Variants in TDRD5 observed in about 807,000 individuals in gnomAD.
TDRD5 encodes tudor domain containing 5.
TDRD5 carries 41 observed loss-of-function variants against 120.6 expected under a neutral mutation model. That is an observed-to-expected ratio of 0.34 (90% CI 0.26 to 0.44). TDRD5 has a LOEUF of 0.44. Among genes scored for constraint, TDRD5 ranks in the 20% least tolerant of loss-of-function variants. The probability of loss-of-function intolerance (pLI) is 1.00; values close to 1 mark genes in which losing one functional copy is unlikely to be tolerated. For missense variants in TDRD5, 1,006 were observed against 1,221.2 expected (o/e 0.82, Z 2.63); for synonymous variants, 430 against 433.7 (o/e 0.99, Z 0.11).
At position 179,691,204 on chromosome 1, in the gene TDRD5, G is replaced by GA. The variant is rs1291452713; in HGVS notation, c.*263dup. ...CCTTTGTTTTTAATGTAGTTTAAAG[G>GA]AATTTGTTTTTTTGTGTTTGTTTTT... On this transcript the variant is annotated 3_prime_UTR_variant, in exon 18 of 18. Coordinates refer to ENST00000444136, the MANE Select transcript of TDRD5 (RefSeq NM_001199085.3). 1 of 322,810 alleles carries GA rather than the reference G, an allele frequency of 3.1e-6. No homozygotes were observed. Among genetic ancestry groups the GA allele is most frequent in the African/African-American group, 2.1e-5 (1 of 46,712 alleles). 20.0% of individuals were successfully genotyped at this position (322,810 alleles called of 1,614,324 possible).
At chr1:179,591,675 C>T (rs997982621), upstream of TDRD5, 3 of 152,412 alleles carry the variant, frequency 2.0e-5, no homozygotes, top group African/African-American at 7.2e-5. Flanking sequence ...GGCGGCCAGC[C>T]TCTGCAGCCG....
intron 11 of TDRD5, among the ~76,000 whole-genome samples, chr1:179,646,613 G>A (rs919876761): frequency 2.0e-5 from 3 of 149,464 alleles, no homozygotes; most frequent in Admixed American, 1.4e-4. Flanking sequence ...GGGCAATTAG[G>A]CAGGAGAAGG....
At chr1:179,619,851 C>G (rs1676755006) in intron 5 of TDRD5, among the ~76,000 whole-genome samples, 1 of 152,056 alleles carries the variant, frequency 6.6e-6, no homozygotes, top group African/African-American at 2.4e-5. Context: ...GAACTCCTGG[C>G]CTTAGGCATT....
intron 11 of TDRD5, among the ~76,000 whole-genome samples, chr1:179,647,525 C>G (rs1205596521): frequency 6.6e-6 from 1 of 151,428 alleles, no homozygotes; most frequent in Non-Finnish European, 1.5e-5. Flanking sequence ...CATTACCATT[C>G]AGGACATAGG....
Position 179,659,488 on chromosome 1 carries a change from AT to A in TDRD5, c.2323-2614del, listed in dbSNP as rs201732912. On this transcript the variant is annotated intron_variant, in intron 14 of 17. Transcript: ENST00000444136. ...TCATTATGAAATGTCTTTATTCACA[AT>A]TACTTTTTTTGCACTGAAGTGTACA... Among the ~76,000 whole-genome samples, 195 of 151,156 alleles carry A rather than the reference AT, an allele frequency of 1.3e-3. 6 individuals are homozygous for A. In the East Asian group the frequency reaches 0.035, roughly 27 times the overall value.
At chr1:179,655,873 T>C (rs1189658517) in intron 14 of TDRD5, among the ~76,000 whole-genome samples, 1 of 152,136 alleles carries the variant, frequency 6.6e-6, no homozygotes. Context: ...TGAAGGACAT[T>C]TGGGTTGTTT....
intron 11 of TDRD5, among the ~76,000 whole-genome samples, chr1:179,649,315 T>G (rs1678580647): frequency 6.6e-6 from 1 of 152,132 alleles, no homozygotes; most frequent in Admixed American, 6.5e-5. Context: ...CCCATATTTA[T>G]ATTTGTATTC....
chr1:179,609,591 T>C (rs557499405), intron 4 of TDRD5, among the ~76,000 whole-genome samples: 1 of 152,282 alleles, frequency 6.6e-6, no homozygotes, highest in East Asian at 1.9e-4. Context: ...CCACCCAGTC[T>C]ATGGTATTTT....
intron 17 of TDRD5, among the ~76,000 whole-genome samples, chr1:179,670,636 T>C (rs2147781917): frequency 6.6e-6 from 1 of 152,328 alleles, no homozygotes; most frequent in East Asian, 1.9e-4. Context: ...ATTGTAGTTT[T>C]AATTTGCATT....
intron 16 of TDRD5, among the ~76,000 whole-genome samples, chr1:179,664,297 TA>T (rs1679457554): frequency 6.6e-6 from 1 of 152,174 alleles, no homozygotes. Context: ...TCTTTTTTTT[TA>T]AATACAGCTT....
At chr1:179,677,105 C>T (rs1420848738) in intron 17 of TDRD5, among the ~76,000 whole-genome samples, 1 of 152,042 alleles carries the variant, frequency 6.6e-6, no homozygotes, top group Non-Finnish European at 1.5e-5. Flanking sequence ...TGTCTTTGAG[C>T]TCTGAAGTTC....
intron 14 of TDRD5, among the ~76,000 whole-genome samples, chr1:179,655,367 T>G (rs948799632): frequency 6.6e-6 from 1 of 152,248 alleles, no homozygotes; most frequent in African/African-American, 2.4e-5. Context: ...TAAATGCTCT[T>G]CACGGCTTGG....
In TDRD5 at chr1:179,621,026, ATTTG is replaced by A. The variant is rs779331913; in HGVS notation, c.916-6_916-3del. 1.1e-5 allele frequency: 18 copies of A among 1,591,752 alleles called. No homozygotes were observed. The East Asian group carries it at 1.6e-4, about 14-fold the overall frequency. On this transcript the variant is annotated splice_polypyrimidine_tract_variant and splice_region_variant and intron_variant, in intron 5 of 17. Transcript: ENST00000444136. Reference sequence around the variant, plus strand: ...GTGTCTATATTGTATTTCACTTTCTATTTGTTAGGTTGTATCTAAGTTCCCAGAG... The same window carrying A: ...GTGTCTATATTGTATTTCACTTTCTATTAGGTTGTATCTAAGTTCCCAGAG...
intron 14 of TDRD5, 145 bp from the exon 15 acceptor site, chr1:179,661,958 TG>T: frequency 3.0e-6 from 2 of 671,674 alleles, no homozygotes; most frequent in Non-Finnish European, 2.3e-6. Context: ...ATTATTTTGG[TG>T]GCATTTCAGA....
At chr1:179,624,285 G>C (rs1017202591) in intron 6 of TDRD5, among the ~76,000 whole-genome samples, 1 of 152,098 alleles carries the variant, frequency 6.6e-6, no homozygotes, top group Admixed American at 6.5e-5. Flanking sequence ...TTCCTCATTT[G>C]GATAAAGTGC....
rs772106187 is a variant in TDRD5 at position 179,652,035 on chromosome 1, T to A, written c.2002-4T>A. On this transcript the variant is annotated splice_region_variant and splice_polypyrimidine_tract_variant and intron_variant, in intron 12 of 17. Coordinates refer to ENST00000444136, the MANE Select transcript of TDRD5 (RefSeq NM_001199085.3). ...AACCATCCCTTTTCTTTTTTTAATC[T>A]TAGGGTTTCAGTGAGCTCAACCCTT... 1.6e-5 allele frequency: 25 copies of A among 1,610,738 alleles called. No individual in the cohort carries two copies. Among genetic ancestry groups the A allele is most frequent in the Non-Finnish European group, 2.0e-5 (24 of 1,179,302 alleles).
intron 17 of TDRD5, among the ~76,000 whole-genome samples, chr1:179,676,801 T>C (rs67388620): frequency 0.079 from 12,088 of 152,304 alleles, 603 homozygotes; most frequent in African/African-American, 0.12. Context: ...GTCTTGACTT[T>C]AAATAACTTG....
rs148211022 is a variant in TDRD5, at chr1:179,676,749, A to G, written c.2860+7345A>G. Among the ~76,000 whole-genome samples the G allele has an allele frequency of 3.2e-3, 488 of 152,284 alleles. 3 individuals are homozygous for G. The highest frequency in any genetic ancestry group is 0.011 in the African/African-American group (473 of 41,568). ...TCTGATAGATTTTCCTTTGTAGGTTACCTGATGCTTTTGCCTCACAGCTCT... is the reference window on the plus strand; with the variant it reads ...TCTGATAGATTTTCCTTTGTAGGTTGCCTGATGCTTTTGCCTCACAGCTCT... On this transcript the variant is annotated intron_variant, in intron 17 of 17. Coordinates refer to ENST00000444136, the MANE Select transcript of TDRD5 (RefSeq NM_001199085.3).
At chr1:179,684,753 G>A (rs1680609313) in intron 17 of TDRD5, among the ~76,000 whole-genome samples, 1 of 152,200 alleles carries the variant, frequency 6.6e-6, no homozygotes, top group African/African-American at 2.4e-5. Flanking sequence ...ACTGGTATGA[G>A]ATATTATCTC....
Sources: gnomAD v4.1 joint callset for allele counts (sites outside exome capture counted in the v4.1 genomes callset) on GRCh38, gnomAD v4.1.1 for gene constraint, MANE v1.5 for transcripts, NCBI Gene and HGNC (gene_info 2026-07-23, HGNC 2026-07-21) for gene names.